The following USP42 variants were observed in gnomAD, a reference collection of about 807,000 sequenced individuals.
USP42 encodes the protein ubiquitin specific peptidase 42, also known as ubiquitin carboxyl-terminal hydrolase 42.
USP42 carries 23 observed loss-of-function variants against 113.0 expected under a neutral mutation model. That is an observed-to-expected ratio of 0.20 (90% CI 0.15 to 0.29). The LOEUF is 0.29. USP42 is among the 10% of genes least tolerant of loss of function. The pLI is 1.00. For missense variants in USP42, 2,174 were observed against 1,779.8 expected (o/e 1.22, Z -3.99); for synonymous variants, 933 against 699.0 (o/e 1.33, Z -5.28).
intron 4 of USP42, among the ~76,000 whole-genome samples, chr7:6,136,768 A>G (rs1263686031): frequency 5.9e-5 from 9 of 152,208 alleles, no homozygotes; most frequent in African/African-American, 1.7e-4. Context: ...TAAAAATAAA[A>G]TAAGAAATAA....
the USP42 span, chr7:6,081,295 C>T: frequency 6.6e-6 from 1 of 152,218 alleles, no homozygotes; most frequent in Non-Finnish European, 1.5e-5. Flanking sequence ...CGTTCCCCAA[C>T]ACCCTCCTCC....
chr7:6,142,929 C>T lies in USP42; in HGVS notation c.796-3C>T, dbSNP rs754095366. 1.2e-5 allele frequency: 20 copies of T among 1,613,886 alleles called. 1 individual carries two copies. The Middle Eastern group carries it at 2.1e-3, about 173-fold the overall frequency. ...GTGGTGTTTGTGCCTCTTCTCTTCC[C>T]AGGCTGCTCAGAGTGTCAACAAGGC... On this transcript the variant is annotated splice_polypyrimidine_tract_variant and splice_region_variant and intron_variant, in intron 7 of 17. Transcript: ENST00000306177.
At chr7:6,105,311 C>T (rs950458007) in intron 1 of USP42, among the ~76,000 whole-genome samples, 1 of 147,402 alleles carries the variant, frequency 6.8e-6, no homozygotes. Flanking sequence ...CGCGGCGAGG[C>T]CGGGCCCCCC....
rs1014762395 is a variant in USP42 at position 6,158,283 on chromosome 7, C to T, written c.3944-1167C>T. ...GCGGCAGGGCAGGGACCGTGTGGCT[C>T]GCAAAGCGGAAAATGTTTATTATTG... On this transcript the variant is annotated intron_variant, in intron 16 of 17. Transcript: ENST00000306177. This position sits in a 1 kb window ranked among gnomAD's most constrained non-coding sequence, Gnocchi z 4.2. Among the ~76,000 whole-genome samples the T allele has an allele frequency of 6.6e-6, 1 of 152,192 alleles. No homozygotes were observed. The highest frequency in any genetic ancestry group is 1.5e-5 in the Non-Finnish European group (1 of 68,036).
chr7:6,100,940 C>G (rs990338710), upstream of USP42, among the ~76,000 whole-genome samples: 1 of 150,864 alleles, frequency 6.6e-6, no homozygotes, highest in African/African-American at 2.5e-5. Context: ...AGGGCTGGGA[C>G]TATAGGTGTG....
chr7:6,150,783 C>T (rs1420966876), intron 14 of USP42, among the ~76,000 whole-genome samples: 1 of 152,202 alleles, frequency 6.6e-6, no homozygotes, highest in Non-Finnish European at 1.5e-5. Context: ...GTGTTACTGG[C>T]ACGCCTTCAA....
chr7:6,097,361 A>G, the USP42 span, among the ~76,000 whole-genome samples: 1 of 147,372 alleles, frequency 6.8e-6, no homozygotes, highest in Non-Finnish European at 1.5e-5. Flanking sequence ...AATTCATGGC[A>G]TCTAAAATTA....
chr7:6,140,845 C>G, intron 6 of USP42, 69 bp from the exon 7 acceptor site: 3 of 859,942 alleles, frequency 3.5e-6, no homozygotes, highest in Non-Finnish European at 3.7e-6. Context: ...TGTATTTTGT[C>G]ATTTCAGTAG....
At chr7:6,086,651 C>T in the USP42 span, among the ~76,000 whole-genome samples, 1 of 150,442 alleles carries the variant, frequency 6.6e-6, no homozygotes, top group Non-Finnish European at 1.5e-5. Context: ...CAGCCTTTTC[C>T]TTTCCTCCTT....
Position 6,159,596 on chromosome 7 carries a change from T to C in USP42, c.*36+103T>C. 8.0e-7 allele frequency: 1 copy of C among 1,247,808 alleles called. No homozygotes were observed. The highest frequency in any genetic ancestry group is 1.1e-6 in the Non-Finnish European group (1 of 880,378). 77.3% of individuals were successfully genotyped at this position (1,247,808 alleles called of 1,614,324 possible). ...CGGCTCTGCCTGGGGGCTGGGCTCA[T>C]AGGAGTTGGCAGAGCCATGGAGAGG... is the stretch of plus-strand genomic sequence containing the variant. On this transcript the variant is annotated intron_variant, in intron 17 of 17. Transcript: ENST00000306177. This position sits in a 1 kb window ranked among gnomAD's most constrained non-coding sequence, Gnocchi z 4.1.
At chr7:6,104,790 C>T (rs958266472), upstream of USP42, 1 of 151,968 alleles carries the variant, frequency 6.6e-6, no homozygotes, top group Non-Finnish European at 1.5e-5. Flanking sequence ...CCACACTCGC[C>T]GTGCTTGTTA....
rs926073720 is a variant in USP42 at position 6,139,045 on chromosome 7, C to T, written c.554-47C>T. On this transcript the variant is annotated intron_variant, in intron 4 of 17. Coordinates refer to ENST00000306177, the MANE Select transcript of USP42 (RefSeq NM_032172.3). This position sits in a 1 kb window ranked among gnomAD's most constrained non-coding sequence, Gnocchi z 4.5. The stretch of plus-strand genomic sequence containing the variant: ...TATATTTTGGGGGGTACAACTTAGG[C>T]TTATTACGTGTAATGATAAAGCCTT... 1.5e-6 allele frequency: 2 copies of T among 1,315,426 alleles called. No individual in the cohort carries two copies. The highest frequency in any genetic ancestry group is 2.1e-6 in the Non-Finnish European group (2 of 940,918). 81.5% of individuals were successfully genotyped at this position (1,315,426 alleles called of 1,614,324 possible).
the USP42 span, among the ~76,000 whole-genome samples, chr7:6,098,660 T>G: frequency 6.6e-6 from 1 of 150,474 alleles, no homozygotes; most frequent in African/African-American, 2.5e-5. Context: ...CAAACGATTC[T>G]CCTGCCTCAG....
Position 6,154,341 on chromosome 7 carries a change from G to A in USP42, c.2787G>A (p.Ala929=). ...SPGERVEDAA[A]PKAPGPSPAK... ...GCGAGAGGGTCGAGGACGCCGCGGC[G>A]CCGAAAGCCCCAGGCCCTTCCCCAG... The change falls in exon 15 of 18, where the codon GCG becomes GCA. Residue 929 remains alanine (A), a synonymous_variant. Transcript: ENST00000306177. 6.4e-7 allele frequency: 1 copy of A among 1,571,330 alleles called. No individual in the cohort carries two copies. The highest frequency in any genetic ancestry group is 8.6e-7 in the Non-Finnish European group (1 of 1,159,506).
rs760194742 is a variant in USP42, at chr7:6,115,354, A to G, written c.273A>G (p.Lys91=). 5 of 1,614,040 alleles carry G rather than the reference A, an allele frequency of 3.1e-6. No homozygotes were observed. The highest frequency in any genetic ancestry group is 1.1e-5 in the South Asian group (1 of 91,086). The change falls in exon 3 of 18, where the codon AAA becomes AAG. Residue 91 remains lysine (K), a synonymous_variant. Coordinates refer to ENST00000306177, the MANE Select transcript of USP42 (RefSeq NM_032172.3). ...ALGDGIAPPQ[K]VLFPSEKICL... ...GTGATGGCATCGCTCCTCCACAGAA[A>G]GTTCTTTTCCCATCTGAGAAGATTT...
At chr7:6,101,571 C>A (rs1027288712), upstream of USP42, among the ~76,000 whole-genome samples, 2 of 151,192 alleles carry the variant, frequency 1.3e-5, no homozygotes, top group African/African-American at 4.9e-5. Flanking sequence ...AAGGCCCCAG[C>A]TGTTTGTAGG....
intron 3 of USP42, among the ~76,000 whole-genome samples, chr7:6,117,626 C>G (rs1779985887): frequency 6.6e-6 from 1 of 152,142 alleles, no homozygotes; most frequent in Non-Finnish European, 1.5e-5. Context: ...TCCAGACTTT[C>G]CAGAAGGGAT....
rs1432150047 is a variant in USP42 at position 6,154,787 on chromosome 7, A to G, written c.3233A>G (p.His1078Arg). ...LYAARDWKPFHGGREHERAGL... is the reference protein window; with the variant it reads ...LYAARDWKPFRGGREHERAGL... ...GCTGCCCGGGACTGGAAGCCCTTCC[A>G]CGGCGGCCGCGAGCACGAGCGGGCC... The change falls in exon 15 of 18, where the codon CAC (histidine) becomes CGC (arginine). Residue 1078 changes from histidine to arginine, a missense_variant. By Grantham distance (29) the His-to-Arg change is conservative. Coordinates refer to ENST00000306177, the MANE Select transcript of USP42 (RefSeq NM_032172.3). 2.6e-6 allele frequency: 4 copies of G among 1,548,876 alleles called. No homozygotes were observed. Among genetic ancestry groups the G allele is most frequent in the East Asian group, 2.5e-5 (1 of 40,768 alleles).
intron 15 of USP42, 57 bp downstream of exon 15, chr7:6,155,252 C>G (rs1782378605): frequency 6.8e-7 from 1 of 1,464,150 alleles, no homozygotes; most frequent in Non-Finnish European, 9.0e-7. Flanking sequence ...GCAGTGGGGC[C>G]TGTCCCTTCT....
Sources: allele counts gnomAD v4.1 joint callset (sites outside exome capture counted in the v4.1 genomes callset), GRCh38; gene constraint gnomAD v4.1.1; non-coding constraint Gnocchi (gnomAD v3.1); transcripts MANE v1.5; gene names NCBI Gene and HGNC (gene_info 2026-07-23, HGNC 2026-07-21).